SLC27A2: variants seen among roughly 807,000 people sequenced by gnomAD.
SLC27A2 encodes solute carrier family 27 member 2.
SLC27A2 carries 54 observed loss-of-function variants against 60.0 expected under a neutral mutation model. That is an observed-to-expected ratio of 0.90 (90% CI 0.72 to 1.13). SLC27A2 has a LOEUF of 1.13. Among genes scored for constraint, SLC27A2 ranks in the 50% most tolerant of loss-of-function variants. SLC27A2 has a pLI of 0.00. For missense variants in SLC27A2, 739 were observed against 777.6 expected, an observed-to-expected ratio of 0.95 and a Z score of 0.59; for synonymous variants, 297 against 297.6, an observed-to-expected ratio of 1.00 and a Z score of 0.02.
intron 1 of SLC27A2, among the ~76,000 whole-genome samples, chr15:50,192,582 T>A (rs1412030311): frequency 2.6e-5 from 4 of 152,016 alleles, no homozygotes; most frequent in Non-Finnish European, 5.9e-5. Flanking sequence ...TCCCACTCTG[T>A]TGCCCAGGCT....
At chr15:50,203,021 AT>A (rs1348524481) in intron 3 of SLC27A2, among the ~76,000 whole-genome samples, 1,587 of 139,858 alleles carry the variant, frequency 0.011, 30 homozygotes, top group African/African-American at 0.042. Context: ...TCTAAAAAAA[AT>A]ATATATATAT....
chr15:50,183,877 G>A (rs1410675091), intron 1 of SLC27A2, among the ~76,000 whole-genome samples: 5 of 151,136 alleles, frequency 3.3e-5, no homozygotes, highest in South Asian at 2.1e-4. Flanking sequence ...TTATTACCCC[G>A]GGAGATAACA....
intron 4 of SLC27A2, among the ~76,000 whole-genome samples, chr15:50,221,380 ATT>A (rs1252556236): frequency 1.3e-5 from 2 of 152,086 alleles, no homozygotes; most frequent in Non-Finnish European, 2.9e-5. Flanking sequence ...CAAGGGGCCC[ATT>A]TTCACCAGTG....
chr15:50,229,365 C>T (rs1595693062), intron 8 of SLC27A2, among the ~76,000 whole-genome samples: 1 of 152,216 alleles, frequency 6.6e-6, no homozygotes, highest in South Asian at 2.1e-4. Flanking sequence ...AAATGATGTC[C>T]TAGCCTCTGA....
chr15:50,226,470 G>T (rs1284251532), intron 6 of SLC27A2, among the ~76,000 whole-genome samples: 1 of 152,192 alleles, frequency 6.6e-6, no homozygotes, highest in Admixed American at 6.5e-5. Context: ...GGTGGCTCAC[G>T]CCTGTAATCC....
Position 50,182,505 on chromosome 15 carries a change from C to T in SLC27A2, c.78C>T (p.Phe26=). The T allele has an allele frequency of 1.9e-6, 3 of 1,612,260 alleles. No individual in the cohort carries two copies. Among genetic ancestry groups the T allele is most frequent in the Middle Eastern group, 1.7e-4 (1 of 6,058 alleles). ...PLLVNLCCPY[F]FQDIGYFLKV... ...TGGTGAACCTCTGCTGCCCATACTT[C>T]TTCCAGGACATAGGCTACTTCTTGA... Residue 26 remains phenylalanine (F), a synonymous_variant, in exon 1 of 10, where the codon TTC becomes TTT. Coordinates refer to ENST00000267842, the MANE Select transcript of SLC27A2 (RefSeq NM_003645.4).
intron 1 of SLC27A2, among the ~76,000 whole-genome samples, chr15:50,188,974 GATAGATAA>G (rs142673057): frequency 0.015 from 1,803 of 121,760 alleles, 20 homozygotes; most frequent in East Asian, 0.039. Context: ...TAGATAGATA[GATAGATAA>G]ATAGATAGAT....
At chr15:50,212,081 A>G (rs2045161686) in intron 4 of SLC27A2, among the ~76,000 whole-genome samples, 1 of 150,972 alleles carries the variant, frequency 6.6e-6, no homozygotes, top group Non-Finnish European at 1.5e-5. Context: ...AAAAAAAAAA[A>G]AAAAAAAAAG....
At chr15:50,228,038 T>C (rs1314993927) in intron 7 of SLC27A2, among the ~76,000 whole-genome samples, 1 of 152,174 alleles carries the variant, frequency 6.6e-6, no homozygotes, top group Non-Finnish European at 1.5e-5. Context: ...CATATCACTT[T>C]ATGCCATCTT....
At chr15:50,223,849 G>A (rs902835921) in intron 5 of SLC27A2, among the ~76,000 whole-genome samples, 4 of 152,170 alleles carry the variant, frequency 2.6e-5, no homozygotes. Context: ...AAGTCACTGC[G>A]GTCATTGTGC....
chr15:50,212,039 C>T (rs980844565), intron 4 of SLC27A2, among the ~76,000 whole-genome samples: 19 of 144,520 alleles, frequency 1.3e-4, no homozygotes, highest in Non-Finnish European at 2.4e-4. Flanking sequence ...CCACTGCACT[C>T]CAGCCTGGGA....
Position 50,226,072 on chromosome 15 carries a change from C to G in SLC27A2, c.1252C>G (p.Pro418Ala). The change falls in exon 6 of 10, where the codon CCC (proline) becomes GCC (alanine). Residue 418 changes from proline to alanine, a missense_variant. Transcript: ENST00000267842. ...TGAAAATGGATATTGCGTCAGAGTT[C>G]CCAAAGGTACAGTGGACTTTTGTTC... The part of the protein sequence containing the change: ...RDENGYCVRV[P>A]KGEVGLLVCK... The G allele has an allele frequency of 1.2e-6, 2 of 1,601,902 alleles. No homozygotes were observed. Among genetic ancestry groups the G allele is most frequent in the Non-Finnish European group, 8.6e-7 (1 of 1,168,986 alleles).
intron 3 of SLC27A2, among the ~76,000 whole-genome samples, chr15:50,204,839 GTATA>G (rs1186934738): frequency 6.9e-6 from 1 of 145,072 alleles, no homozygotes; most frequent in Non-Finnish European, 1.5e-5. Context: ...GTATGTGTGT[GTATA>G]TATATGTATG....
chr15:50,190,943 G>C (rs577906333), intron 1 of SLC27A2: 1 of 152,300 alleles, frequency 6.6e-6, no homozygotes, highest in East Asian at 1.9e-4. Flanking sequence ...AGATCCACAT[G>C]ATTGAACAAG....
At chr15:50,185,551 G>A (rs919765777) in intron 1 of SLC27A2, among the ~76,000 whole-genome samples, 1 of 146,604 alleles carries the variant, frequency 6.8e-6, no homozygotes, top group Admixed American at 6.8e-5. Flanking sequence ...TTTAATGAAT[G>A]TGTTATACTT....
chr15:50,183,123 A>G (rs2044882290), intron 1 of SLC27A2, among the ~76,000 whole-genome samples: 1 of 152,244 alleles, frequency 6.6e-6, no homozygotes, highest in Non-Finnish European at 1.5e-5. Flanking sequence ...TAAGCACTCT[A>G]CAGGCAGTGT....
intron 4 of SLC27A2, among the ~76,000 whole-genome samples, chr15:50,206,060 C>T (rs1193359968): frequency 1.3e-5 from 2 of 152,220 alleles, no homozygotes; most frequent in African/African-American, 2.4e-5. Flanking sequence ...CTGCCCAGTC[C>T]CTCAACTCTC....
intron 7 of SLC27A2, among the ~76,000 whole-genome samples, chr15:50,227,809 G>A (rs994713779): frequency 1.3e-5 from 2 of 152,192 alleles, no homozygotes; most frequent in Non-Finnish European, 2.9e-5. Context: ...GGTGCCTGGT[G>A]TCATTTTTTG....
In SLC27A2 at chr15:50,227,170, T is replaced by C; in HGVS notation, c.1449T>C (p.Asp483=). The part of the protein sequence containing the change: ...NFIYFHDRVG[D]TFRWKGENVA... ...TCTATTTCCACGACAGAGTTGGAGA[T>C]ACATTCCGGTTGGTTTTTCTGAATC... Residue 483 remains aspartate (D), a synonymous_variant, in exon 7 of 10, where the codon GAT becomes GAC. Transcript: ENST00000267842. The C allele has an allele frequency of 6.2e-7, 1 of 1,613,574 alleles. No homozygotes were observed. The highest frequency in any genetic ancestry group is 1.3e-5 in the African/African-American group (1 of 74,972).
Sources: allele counts gnomAD v4.1 joint callset (sites outside exome capture counted in the v4.1 genomes callset), GRCh38; gene constraint gnomAD v4.1.1; transcripts MANE v1.5; gene names NCBI Gene and HGNC (gene_info 2026-07-23, HGNC 2026-07-21).